ZNF229: variants seen among roughly 807,000 people sequenced by gnomAD.
ZNF229 encodes the protein zinc finger protein 229.
ZNF229 carries 10 observed loss-of-function variants against 11.8 expected under a neutral mutation model. That is an observed-to-expected ratio of 0.85 (90% CI 0.52 to 1.44). The LOEUF is 1.44. ZNF229 is among the 40% of genes most tolerant of loss of function. The pLI is 0.00. For missense variants in ZNF229, 1,045 were observed against 1,015.1 expected (o/e 1.03, Z -0.40); for synonymous variants, 368 against 374.8 (o/e 0.98, Z 0.21).
Position 44,429,369 on chromosome 19 carries a change from C to T in ZNF229, c.1412G>A (p.Ser471Asn). ...YSCGECGKGF[S>N]CSSHLSSHQK... ...ATGACTGCTGAGGTGGGAGCTGCAG[C>T]TGAATCCCTTTCCACACTCGCCACA... The change falls in exon 6 of 6, where the codon AGC becomes AAC. Residue 471 changes from serine (S) to asparagine (N), a missense_variant. Coordinates refer to ENST00000614049, the MANE Select transcript of ZNF229 (RefSeq NM_014518.4). 6.2e-7 allele frequency: 1 copy of T among 1,614,148 alleles called. No homozygotes were observed. Among genetic ancestry groups the T allele is most frequent in the Non-Finnish European group, 8.5e-7 (1 of 1,180,042 alleles).
At position 44,442,998 on chromosome 19, in the gene ZNF229, C is replaced by A. The variant is rs376357564; in HGVS notation, c.-151G>T. 3 of 897,222 alleles carry A rather than the reference C, an allele frequency of 3.3e-6. No individual in the cohort carries two copies. Among genetic ancestry groups the A allele is most frequent in the Non-Finnish European group, 5.2e-6 (3 of 577,902 alleles). 55.6% of individuals were successfully genotyped at this position (897,222 alleles called of 1,614,324 possible). ...CTGTCTCCACCTTTACTGTCCAGAGCGCGACTGCTTCCCATGGTCAGGGGA... is the reference window on the plus strand; with the variant it reads ...CTGTCTCCACCTTTACTGTCCAGAGAGCGACTGCTTCCCATGGTCAGGGGA... On this transcript the variant is annotated 5_prime_UTR_variant, in exon 3 of 6. Transcript: ENST00000614049.
At chr19:44,441,048 G>A (rs183764580) in intron 4 of ZNF229, among the ~76,000 whole-genome samples, 3 of 152,182 alleles carry the variant, frequency 2.0e-5, no homozygotes, top group African/African-American at 7.2e-5. Flanking sequence ...GAAAAATGCA[G>A]AGGATACTAT....
At position 44,426,429 on chromosome 19, in the gene ZNF229, T is replaced by G. The variant is rs184587590; in HGVS notation, c.*1874A>C. 1 of 152,210 alleles carries G rather than the reference T, an allele frequency of 6.6e-6. No individual in the cohort carries two copies. Among genetic ancestry groups the G allele is most frequent in the African/African-American group, 2.4e-5 (1 of 41,412 alleles). The allele number at this position is 152,210 out of a possible 1,614,324, so 9.4% of individuals were successfully genotyped here. On this transcript the variant is annotated 3_prime_UTR_variant, in exon 6 of 6. Transcript: ENST00000614049. The stretch of plus-strand genomic sequence containing the variant: ...TCCCACCACTAGAGATAAGTAGTTA[T>G]ATGTCCTCTCCCACATCTTTTTTTC...
rs568336454 is a variant in ZNF229 at position 44,433,860 on chromosome 19, G to A, written c.94-1494C>T. Reference sequence around the variant, plus strand: ...TGACTCACTGCAACCTTTGCTTCCCGGGTTCAAGTGATTCTCCTGTCTCAG... The same window carrying A: ...TGACTCACTGCAACCTTTGCTTCCCAGGTTCAAGTGATTCTCCTGTCTCAG... On this transcript the variant is annotated intron_variant, in intron 4 of 5. Transcript: ENST00000614049. Among the ~76,000 whole-genome samples, 8 of 152,218 alleles carry A rather than the reference G, an allele frequency of 5.3e-5. No individual in the cohort carries two copies. In the East Asian group the frequency reaches 7.7e-4, roughly 15 times the overall value.
chr19:44,426,646 A>G lies in ZNF229; in HGVS notation c.*1657T>C, dbSNP rs1448799182. ...CCTGAACTTATCTAAAAAATTTCCT[A>G]CCAATGGAAACTGGAATATTAACAT... On this transcript the variant is annotated 3_prime_UTR_variant, in exon 6 of 6. Coordinates refer to ENST00000614049, the MANE Select transcript of ZNF229 (RefSeq NM_014518.4). 6.6e-6 allele frequency: 1 copy of G among 152,150 alleles called. No individual in the cohort carries two copies. The highest frequency in any genetic ancestry group is 1.5e-5 in the Non-Finnish European group (1 of 68,038). The allele number at this position is 152,150 out of a possible 1,614,324, so 9.4% of individuals were successfully genotyped here. A position where few individuals can be genotyped will look rare whatever the true frequency, so the allele number is the denominator to read the frequency against.
rs1229247314 is a variant in ZNF229, at chr19:44,428,494, T to C, written c.2287A>G (p.Thr763Ala). Residue 763 changes from threonine to alanine, a missense_variant, in exon 6 of 6, where the codon ACT becomes GCT. Thr to Ala is a moderately conservative substitution (Grantham distance 58). Transcript: ENST00000614049. Reference protein sequence around the residue: ...SHLQGHQRVHTGEKPYKCEEC... With the variant: ...SHLQGHQRVHAGEKPYKCEEC... ...TCACATTTATAGGGTTTCTCACCAG[T>C]GTGGACCCTCTGATGACCTTGAAGA... The C allele has an allele frequency of 6.2e-7, 1 of 1,613,986 alleles. No individual in the cohort carries two copies. Among genetic ancestry groups the C allele is most frequent in the South Asian group, 1.1e-5 (1 of 91,078 alleles).
chr19:44,446,463 C>A (rs1311974626), intron 2 of ZNF229, among the ~76,000 whole-genome samples: 1 of 152,140 alleles, frequency 6.6e-6, no homozygotes, highest in Non-Finnish European at 1.5e-5. Flanking sequence ...GTACTTCTGT[C>A]AAATAAAGAT....
At position 44,442,730 on chromosome 19, in the gene ZNF229, G is replaced by C. The variant is rs1339478895; in HGVS notation, c.34+84C>G. 1.7e-5 allele frequency: 27 copies of C among 1,605,558 alleles called. No individual in the cohort carries two copies. The South Asian group carries it at 3.0e-4, about 18-fold the overall frequency. On this transcript the variant is annotated intron_variant, in intron 3 of 5. Transcript: ENST00000614049. ...TTTACAGACTGGTTTCTTCTCACTT[G>C]AGGAAATTCCTCAACATCCAACTTT...
chr19:44,432,517 T>C, intron 4 of ZNF229, 151 bp from the exon 5 acceptor site: 1 of 1,157,210 alleles, frequency 8.6e-7, no homozygotes, highest in Non-Finnish European at 1.2e-6. Context: ...CCATAAAAAA[T>C]GATGAGTTCA....
Position 44,429,044 on chromosome 19 carries a change from C to T in ZNF229, c.1737G>A (p.Lys579=), listed in dbSNP as rs1971647423. Residue 579 remains lysine (K), a synonymous_variant, in exon 6 of 6, where the codon AAG becomes AAA. Coordinates refer to ENST00000614049, the MANE Select transcript of ZNF229 (RefSeq NM_014518.4). ...GAAGGTCTGAATTCCGCCGGAAGCCCTTCCCACACTCACTGCATTTATAGG... is the reference window on the plus strand; with the variant it reads ...GAAGGTCTGAATTCCGCCGGAAGCCTTTCCCACACTCACTGCATTTATAGG... The part of the protein sequence containing the change: ...EKPYKCSECG[K]GFRRNSDLHS... 4 of 1,613,718 alleles carry T rather than the reference C, an allele frequency of 2.5e-6. No homozygotes were observed. Among genetic ancestry groups the T allele is most frequent in the Non-Finnish European group, 3.4e-6 (4 of 1,179,914 alleles).
intron 4 of ZNF229, among the ~76,000 whole-genome samples, chr19:44,432,694 G>C (rs112106000): frequency 0.1 from 15,308 of 151,598 alleles, 801 homozygotes; most frequent in Middle Eastern, 0.16. Context: ...CTGTTGTGGG[G>C]TGGGGGGAGT....
At chr19:44,443,797 A>G (rs1971956533) in intron 2 of ZNF229, among the ~76,000 whole-genome samples, 1 of 152,226 alleles carries the variant, frequency 6.6e-6, no homozygotes. Flanking sequence ...CTTAGCACCT[A>G]TGTTCACAAT....
chr19:44,442,782 T>TGGCCCCCCCC, intron 3 of ZNF229, 32 bp downstream of exon 3: 1 of 1,545,192 alleles, frequency 6.5e-7, no homozygotes, highest in Non-Finnish European at 8.9e-7. Flanking sequence ...GTTTGGATTC[T>TGGCCCCCCCC]CCCCCCACCC....
intron 4 of ZNF229, among the ~76,000 whole-genome samples, chr19:44,435,137 T>C (rs1348341279): frequency 1.3e-5 from 2 of 152,180 alleles, no homozygotes; most frequent in African/African-American, 4.8e-5. Flanking sequence ...TCTTTATTAG[T>C]AGCATGAGAA....
At chr19:44,437,090 C>G (rs963234842) in intron 4 of ZNF229, among the ~76,000 whole-genome samples, 1 of 151,872 alleles carries the variant, frequency 6.6e-6, no homozygotes, top group Non-Finnish European at 1.5e-5. Flanking sequence ...AAATGTCAAC[C>G]TTATGTCATT....
Position 44,428,737 on chromosome 19 carries a change from T to G in ZNF229, c.2044A>C (p.Lys682Gln). ...CCACACTGATCACACGTATAGGGCT[T>G]TTTTCCCGTGTGGACTCGCTGATGT... is the stretch of plus-strand genomic sequence containing the variant. The part of the protein sequence containing the change: ...HKHQRVHTGK[K>Q]PYTCDQCGKG... The change falls in exon 6 of 6, where the codon AAG (lysine) becomes CAG (glutamine). Residue 682 changes from lysine (K) to glutamine (Q), a missense_variant. Physicochemically the swap from Lys to Gln is moderately conservative, Grantham distance 53. Transcript: ENST00000614049. 6.2e-7 allele frequency: 1 copy of G among 1,613,768 alleles called. No homozygotes were observed. Among genetic ancestry groups the G allele is most frequent in the Non-Finnish European group, 8.5e-7 (1 of 1,179,980 alleles).
In ZNF229 at chr19:44,428,755, G is replaced by A. The variant is rs769439896; in HGVS notation, c.2026C>T (p.Arg676Ter). The A allele has an allele frequency of 3.3e-5, 53 of 1,612,860 alleles. 1 individual carries two copies. The highest frequency in any genetic ancestry group is 1.6e-4 in the South Asian group (15 of 91,026). ...TAGGGCTTTTTTCCCGTGTGGACTC[G>A]CTGATGTTTGTGAAGGCTTGATGTG... ...RCTSSLHKHQRVHTGKKPYTC... is the reference protein window; with the variant it reads ...RCTSSLHKHQ The change falls in exon 6 of 6, where the codon CGA becomes TGA. Residue 676 changes from arginine to a stop codon, truncating the protein, a stop_gained. Coordinates refer to ENST00000614049, the MANE Select transcript of ZNF229 (RefSeq NM_014518.4). LOFTEE classifies it low-confidence loss of function (END_TRUNC).
intron 4 of ZNF229, among the ~76,000 whole-genome samples, chr19:44,440,593 G>A (rs1971891179): frequency 6.6e-6 from 1 of 152,130 alleles, no homozygotes; most frequent in East Asian, 1.9e-4. Context: ...AAGGTGAATG[G>A]AGAAGCCACA....
At chr19:44,448,128 T>C (rs1972034317) in intron 1 of ZNF229, among the ~76,000 whole-genome samples, 181 bp downstream of exon 1, 1 of 152,076 alleles carries the variant, frequency 6.6e-6, no homozygotes. Flanking sequence ...CTGAGAAAAT[T>C]CATGTCATCG....
Sources: gnomAD v4.1 joint callset for allele counts (sites outside exome capture counted in the v4.1 genomes callset) on GRCh38, gnomAD v4.1.1 for gene constraint, MANE v1.5 for transcripts, NCBI Gene and HGNC (gene_info 2026-07-23, HGNC 2026-07-21) for gene names.